CTNNBIP1: variants seen among roughly 807,000 people sequenced by gnomAD.
CTNNBIP1 encodes the protein catenin beta interacting protein 1.
In CTNNBIP1, 7 loss-of-function variants were observed where a neutral mutation model predicts 11.8. The ratio of observed to expected loss-of-function variants is 0.60; its 90% confidence interval spans 0.34 to 1.12. The LOEUF (loss-of-function observed/expected upper bound fraction) is 1.12, where lower values mean the gene tolerates loss of function less well. Ranked by LOEUF, CTNNBIP1 falls within the 50% of genes most tolerant of loss-of-function variation. CTNNBIP1 has a pLI of 0.03. For missense variants in CTNNBIP1, 101 were observed against 113.4 expected, an observed-to-expected ratio of 0.89 and a Z score of 0.50; for synonymous variants, 58 against 43.9, an observed-to-expected ratio of 1.32 and a Z score of -1.26.
At chr1:9,881,188 C>A (rs1275973523) in intron 2 of CTNNBIP1, among the ~76,000 whole-genome samples, 1 of 151,934 alleles carries the variant, frequency 6.6e-6, no homozygotes, top group Non-Finnish European at 1.5e-5. Context: ...GCATGCACCA[C>A]CATATCCGGC....
Position 9,886,738 on chromosome 1 carries a change from G to A in CTNNBIP1, c.-143-3000C>T, listed in dbSNP as rs145540083. On this transcript the variant is annotated intron_variant, in intron 1 of 5. Transcript: ENST00000377263. The stretch of plus-strand genomic sequence containing the variant: ...GGGTAAAAAGTCACTCTGAGCCAGC[G>A]AGGGGGACGGGGGGCAGAGGCCTGC... Among the ~76,000 whole-genome samples, 1,013 of 152,276 alleles carry A rather than the reference G, an allele frequency of 6.7e-3. 14 individuals carry two copies. The highest frequency in any genetic ancestry group is 0.023 in the African/African-American group (949 of 41,550).
intron 5 of CTNNBIP1, among the ~76,000 whole-genome samples, chr1:9,864,505 T>G (rs1020584647): frequency 1.3e-5 from 2 of 152,194 alleles, no homozygotes; most frequent in Non-Finnish European, 2.9e-5. Context: ...ATTTTTTGTA[T>G]TTTTAGTAGA....
intron 1 of CTNNBIP1, among the ~76,000 whole-genome samples, chr1:9,890,714 C>G (rs145454290): frequency 1.3e-5 from 2 of 152,128 alleles, no homozygotes; most frequent in African/African-American, 4.8e-5. Context: ...CAGGCCTGAC[C>G]GACCTTCCCC....
chr1:9,860,618 CAA>C (rs35598626), intron 5 of CTNNBIP1, among the ~76,000 whole-genome samples: 15 of 101,106 alleles, frequency 1.5e-4, no homozygotes, highest in Non-Finnish European at 2.3e-4. Context: ...CTTCATCTCT[CAA>C]AAAAAAAAAA....
At chr1:9,875,055 C>CCAAACA (rs765323785) in intron 3 of CTNNBIP1, among the ~76,000 whole-genome samples, 9 of 152,132 alleles carry the variant, frequency 5.9e-5, no homozygotes, top group Non-Finnish European at 1.3e-4. Context: ...CTAGGTGTCG[C>CCAAACA]CAAACACAAA....
chr1:9,877,687 T>C (rs189228725), intron 3 of CTNNBIP1, among the ~76,000 whole-genome samples: 22 of 152,324 alleles, frequency 1.4e-4, no homozygotes, highest in Admixed American at 8.5e-4. Context: ...CCAGAATCTG[T>C]ACATGTCTTA....
chr1:9,857,994 G>A (rs905784153), intron 5 of CTNNBIP1, among the ~76,000 whole-genome samples: 2 of 152,158 alleles, frequency 1.3e-5, no homozygotes, highest in Admixed American at 6.5e-5. Flanking sequence ...TCCCATCTCA[G>A]CTGATGGCAC....
intron 5 of CTNNBIP1, among the ~76,000 whole-genome samples, chr1:9,869,241 C>CCT (rs1275864244): frequency 6.6e-6 from 1 of 152,236 alleles, no homozygotes; most frequent in African/African-American, 2.4e-5. Context: ...CTCAAGCAAT[C>CCT]CTCTTGCCAT....
At chr1:9,890,959 C>T (rs1481843119) in intron 1 of CTNNBIP1, among the ~76,000 whole-genome samples, 2 of 152,072 alleles carry the variant, frequency 1.3e-5, no homozygotes, top group East Asian at 1.9e-4. Flanking sequence ...GCATGGGTCA[C>T]CTCCAGAGAG....
intron 1 of CTNNBIP1, among the ~76,000 whole-genome samples, chr1:9,889,032 T>G (rs953366921): frequency 6.6e-6 from 1 of 152,198 alleles, no homozygotes; most frequent in African/African-American, 2.4e-5. Context: ...CTGGAACCAC[T>G]GGGGCATCCT....
intron 1 of CTNNBIP1, among the ~76,000 whole-genome samples, chr1:9,885,289 TG>T (rs1316959216): frequency 6.6e-6 from 1 of 152,014 alleles, no homozygotes; most frequent in Non-Finnish European, 1.5e-5. Flanking sequence ...GAGAAGCAAG[TG>T]GAACAATTTT....
intron 3 of CTNNBIP1, among the ~76,000 whole-genome samples, chr1:9,873,069 CA>C (rs745701617): frequency 2.6e-5 from 4 of 152,160 alleles, no homozygotes; most frequent in Non-Finnish European, 5.9e-5. Context: ...CTTTCCCAGG[CA>C]GGGTGGCTCT....
Position 9,850,107 on chromosome 1 carries a change from T to A in CTNNBIP1, c.*611A>T, listed in dbSNP as rs147882435. ...AAGCCAATCAAACACAAACCCCAAA[T>A]GTGAAGGCAGCAGCAAGTTCTTTGT... is the stretch of plus-strand genomic sequence containing the variant. On this transcript the variant is annotated 3_prime_UTR_variant, in exon 6 of 6. Coordinates refer to ENST00000377263, the MANE Select transcript of CTNNBIP1 (RefSeq NM_020248.3). The A allele has an allele frequency of 5.8e-3, 886 of 152,702 alleles. 4 individuals are homozygous for A. The highest frequency in any genetic ancestry group is 9.1e-3 in the Non-Finnish European group (616 of 68,044). 9.5% of individuals were successfully genotyped at this position (152,702 alleles called of 1,614,324 possible). A position where few individuals can be genotyped will look rare whatever the true frequency, so the allele number is the denominator to read the frequency against.
intron 5 of CTNNBIP1, among the ~76,000 whole-genome samples, chr1:9,864,887 A>C (rs3860318): frequency 4.6e-5 from 7 of 152,260 alleles, no homozygotes; most frequent in African/African-American, 1.2e-4. Flanking sequence ...AATACCTAAC[A>C]GCCCAAGTCA....
At chr1:9,898,113 T>G (rs1314306996) in intron 1 of CTNNBIP1, among the ~76,000 whole-genome samples, 1 of 145,492 alleles carries the variant, frequency 6.9e-6, no homozygotes, top group Non-Finnish European at 1.5e-5. Context: ...AGACTCTGTC[T>G]CAGCAAAAAA....
chr1:9,891,781 ATTTTTTTTTTTTTTT>A (rs70998316), intron 1 of CTNNBIP1, among the ~76,000 whole-genome samples: 1 of 81,410 alleles, frequency 1.2e-5, no homozygotes. Context: ...ATCTCTTTAA[ATTTTTTTTTTTTTTT>A]TTTTTTTTTT....
intron 2 of CTNNBIP1, among the ~76,000 whole-genome samples, chr1:9,880,034 A>G (rs1331044847): frequency 1.3e-5 from 2 of 152,192 alleles, no homozygotes; most frequent in African/African-American, 4.8e-5. Flanking sequence ...GTATGTACGC[A>G]TGTGCCATGG....
chr1:9,886,588 T>C (rs981383431), intron 1 of CTNNBIP1, among the ~76,000 whole-genome samples: 10 of 152,222 alleles, frequency 6.6e-5, no homozygotes, highest in Non-Finnish European at 1.2e-4. Flanking sequence ...GGGCATGCCA[T>C]GGTGCACAGA....
rs139825449 is a variant in CTNNBIP1, at chr1:9,872,032, C to G, written c.33G>C (p.Pro11=). Residue 11 remains proline (P), a synonymous_variant, in exon 4 of 6, where the codon CCG becomes CCC. Transcript: ENST00000377263. This position sits in a 1 kb window ranked among gnomAD's most constrained non-coding sequence, Gnocchi z 4.0. MNREGAPGKS[P]EEMYIQQKVR... The stretch of plus-strand genomic sequence containing the variant: ...CCTTCTGCTGAATGTACATCTCCTC[C>G]GGACTCTTCCCGGGAGCTCCCTCGC... The G allele has an allele frequency of 6.2e-7, 1 of 1,614,206 alleles. No homozygotes were observed. Among genetic ancestry groups the G allele is most frequent in the South Asian group, 1.1e-5 (1 of 91,086 alleles).
Sources: allele counts gnomAD v4.1 joint callset (sites outside exome capture counted in the v4.1 genomes callset), GRCh38; gene constraint gnomAD v4.1.1; non-coding constraint Gnocchi (gnomAD v3.1); transcripts MANE v1.5; gene names NCBI Gene and HGNC (gene_info 2026-07-23, HGNC 2026-07-21).